Variants in CYYR1 observed in about 807,000 individuals in gnomAD.
CYYR1 encodes the protein cysteine and tyrosine-rich protein 1.
A neutral mutation model predicts 15.2 loss-of-function variants in CYYR1; 14 were observed. The observed-to-expected ratio is 0.92, with a 90% CI of 0.61 to 1.44. The LOEUF is 1.44. Among genes scored for constraint, CYYR1 ranks in the 40% most tolerant of loss-of-function variants. The probability of loss-of-function intolerance (pLI) is 0.00; values close to 1 mark genes in which losing one functional copy is unlikely to be tolerated. For missense variants in CYYR1, 228 were observed against 209.5 expected, an observed-to-expected ratio of 1.09 and a Z score of -0.54; for synonymous variants, 80 against 77.4, an observed-to-expected ratio of 1.03 and a Z score of -0.18.
At chr21:26,482,145 A>G in intron 2 of CYYR1, 3 of 399,240 alleles carry the variant, frequency 7.5e-6, no homozygotes, top group Non-Finnish European at 1.0e-5. Context: ...TCTCTCAGAC[A>G]AGATTTATCC....
At chr21:26,493,345 T>TGC in intron 2 of CYYR1, among the ~76,000 whole-genome samples, 1 of 152,144 alleles carries the variant, frequency 6.6e-6, no homozygotes, top group African/African-American at 2.4e-5. Context: ...CCAGACTGCA[T>TGC]CCAGGCATTC....
chr21:26,566,566 A>G (rs183595382), intron 1 of CYYR1, among the ~76,000 whole-genome samples, 198 bp from the exon 2 acceptor site: 268 of 152,356 alleles, frequency 1.8e-3, no homozygotes, highest in African/African-American at 6.2e-3. Flanking sequence ...AGCTGTAAAG[A>G]CAAAGACAAC....
Position 26,565,499 on chromosome 21 carries a change from A to G in CYYR1, c.176+767T>C, listed in dbSNP as rs117153994. On this transcript the variant is annotated intron_variant, in intron 2 of 3. Coordinates refer to ENST00000652641, the MANE Select transcript of CYYR1 (RefSeq NM_001320768.2). The stretch of plus-strand genomic sequence containing the variant: ...GACTCAAGAAATTCTTATGTTCCCA[A>G]TTCTCAACCCTCGTTTCTCAGTTGT... 7.2e-3 allele frequency among the ~76,000 whole-genome samples: 1,096 copies of G among 152,254 alleles called. 14 individuals carry two copies. Among genetic ancestry groups the G allele is most frequent in the East Asian group, 0.035 (180 of 5,176 alleles).
chr21:26,474,029 TTG>T (rs1329156095), intron 3 of CYYR1, among the ~76,000 whole-genome samples: 1 of 147,066 alleles, frequency 6.8e-6, no homozygotes, highest in Non-Finnish European at 1.5e-5. Flanking sequence ...TTTTTTGTTG[TTG>T]TGTGTTTTTT....
intron 1 of CYYR1, among the ~76,000 whole-genome samples, chr21:26,569,912 A>G (rs1427042382): frequency 6.6e-6 from 1 of 152,190 alleles, no homozygotes; most frequent in African/African-American, 2.4e-5. Context: ...CATCTGGATC[A>G]TGTTACACAC....
chr21:26,536,031 G>A (rs9982022), intron 2 of CYYR1, among the ~76,000 whole-genome samples: 46,246 of 152,036 alleles, frequency 0.3, 7,885 homozygotes, highest in African/African-American at 0.46. Flanking sequence ...TGGCTGGGAG[G>A]CTTCGAGACG....
intron 2 of CYYR1, among the ~76,000 whole-genome samples, chr21:26,510,654 T>C (rs909119023): frequency 6.6e-6 from 1 of 152,214 alleles, no homozygotes; most frequent in South Asian, 2.1e-4. Context: ...TTGAAAAGTC[T>C]CATTAGAATG....
At chr21:26,559,266 C>CT (rs1569177309) in intron 2 of CYYR1, among the ~76,000 whole-genome samples, 1 of 152,086 alleles carries the variant, frequency 6.6e-6, no homozygotes. Flanking sequence ...TGCTCTATGC[C>CT]TTTTTTTGTG....
At chr21:26,542,195 C>T (rs1056103173) in intron 2 of CYYR1, among the ~76,000 whole-genome samples, 1 of 129,726 alleles carries the variant, frequency 7.7e-6, no homozygotes, top group Non-Finnish European at 1.5e-5. Flanking sequence ...GGAAGATATT[C>T]TATTATACCA....
chr21:26,504,454 T>A (rs1266757382), intron 2 of CYYR1, among the ~76,000 whole-genome samples: 1 of 152,030 alleles, frequency 6.6e-6, no homozygotes, highest in Non-Finnish European at 1.5e-5. Flanking sequence ...GTATCTTTAG[T>A]AGAGATGGGG....
chr21:26,482,406 T>G (rs1016809111), intron 2 of CYYR1: 3 of 985,220 alleles, frequency 3.0e-6, no homozygotes, highest in Non-Finnish European at 3.6e-6. Context: ...AGCTTATCAG[T>G]TCTGTTCTGC....
chr21:26,516,956 A>T (rs111668274), intron 2 of CYYR1, among the ~76,000 whole-genome samples: 1 of 150,624 alleles, frequency 6.6e-6, no homozygotes, highest in Admixed American at 6.6e-5. Flanking sequence ...TCTACTAAAA[A>T]TACAAAAAAT....
chr21:26,512,134 T>A (rs1269946906), intron 2 of CYYR1, among the ~76,000 whole-genome samples: 2 of 152,170 alleles, frequency 1.3e-5, no homozygotes, highest in Non-Finnish European at 2.9e-5. Context: ...ACAGCATCAA[T>A]GGATTTCCAC....
At chr21:26,572,555 G>T (rs1282672287) in intron 1 of CYYR1, among the ~76,000 whole-genome samples, 1 of 152,130 alleles carries the variant, frequency 6.6e-6, no homozygotes, top group South Asian at 2.1e-4. Flanking sequence ...AGCCTATCCA[G>T]ATAAGTTTAT....
chr21:26,557,198 A>T (rs930113961), intron 2 of CYYR1, among the ~76,000 whole-genome samples: 5 of 152,196 alleles, frequency 3.3e-5, no homozygotes, highest in Non-Finnish European at 5.9e-5. Context: ...AGAACGCATT[A>T]AATAAATGGT....
At chr21:26,528,986 C>T (rs73180806) in intron 2 of CYYR1, among the ~76,000 whole-genome samples, 44,015 of 152,062 alleles carry the variant, frequency 0.29, 7,578 homozygotes, top group East Asian at 0.65. Context: ...AAACACAGTC[C>T]ATTATTAGAA....
chr21:26,486,412 C>A (rs1601739171), intron 2 of CYYR1, among the ~76,000 whole-genome samples: 2 of 151,898 alleles, frequency 1.3e-5, no homozygotes, highest in Non-Finnish European at 1.5e-5. Flanking sequence ...GATATTTAAA[C>A]CTATGATCTA....
intron 2 of CYYR1, among the ~76,000 whole-genome samples, chr21:26,499,454 G>T (rs1382045594): frequency 1.3e-5 from 2 of 152,190 alleles, no homozygotes; most frequent in African/African-American, 4.8e-5. Flanking sequence ...CAGACTTCTG[G>T]TCCCCAGAAC....
chr21:26,508,111 A>G (rs926323182), intron 2 of CYYR1, among the ~76,000 whole-genome samples: 2 of 152,220 alleles, frequency 1.3e-5, no homozygotes, highest in African/African-American at 4.8e-5. Flanking sequence ...CCAGTTAGAG[A>G]AGGCAAGAAA....
Sources: gnomAD v4.1 joint callset for allele counts (sites outside exome capture counted in the v4.1 genomes callset) on GRCh38, gnomAD v4.1.1 for gene constraint, MANE v1.5 for transcripts, NCBI Gene and HGNC (gene_info 2026-07-23, HGNC 2026-07-21) for gene names.